TBC1D1: variants seen among roughly 807,000 people sequenced by gnomAD.
TBC1D1 encodes the protein TBC1 (tre-2/USP6, BUB2, cdc16) domain family, member 1.
TBC1D1 carries 89 observed loss-of-function variants against 125.6 expected under a neutral mutation model. The ratio of observed to expected loss-of-function variants is 0.71; its 90% confidence interval spans 0.60 to 0.85. The LOEUF (loss-of-function observed/expected upper bound fraction) is 0.85. Among genes scored for constraint, TBC1D1 ranks in the 40% least tolerant of loss-of-function variants. The pLI is 0.00. For synonymous variants in TBC1D1, 565 were observed against 564.1 expected, an observed-to-expected ratio of 1.00 and a Z score of -0.02; for missense variants, 1,377 against 1,469.2, an observed-to-expected ratio of 0.94 and a Z score of 1.03.
At chr4:38,136,631 T>G (rs895981987) in intron 19 of TBC1D1, among the ~76,000 whole-genome samples, 1 of 152,186 alleles carries the variant, frequency 6.6e-6, no homozygotes, top group African/African-American at 2.4e-5. Flanking sequence ...AGGAGGAAAC[T>G]GTTTTGAGTT....
chr4:38,045,969 TCTACATAC>T, intron 10 of TBC1D1, 66 bp downstream of exon 10: 1 of 1,342,416 alleles, frequency 7.4e-7, no homozygotes, highest in Non-Finnish European at 1.1e-6. Context: ...TCATCTCCTG[TCTACATAC>T]CTCCAATCAT....
chr4:37,986,440 CTTTA>C (rs1451255805), intron 2 of TBC1D1, among the ~76,000 whole-genome samples: 1 of 151,992 alleles, frequency 6.6e-6, no homozygotes, highest in Admixed American at 6.6e-5. Context: ...TTTCAGAATA[CTTTA>C]TTTATTTATT....
Position 38,137,743 on chromosome 4 carries a change from G to C in TBC1D1, c.*408G>C, listed in dbSNP as rs559798170. On this transcript the variant is annotated 3_prime_UTR_variant, in exon 20 of 20. Coordinates refer to ENST00000261439, the MANE Select transcript of TBC1D1 (RefSeq NM_015173.4). ...AAAGGCGTGGGTCCATCGTTCTTCC[G>C]AGAGGGTTTGTGTGGCGACTACACC... The C allele has an allele frequency of 1.8e-5, 3 of 162,174 alleles. No individual in the cohort carries two copies. The highest frequency in any genetic ancestry group is 2.0e-4 in the South Asian group (1 of 4,906). The allele number at this position is 162,174 out of a possible 1,614,324, so 10.0% of individuals were successfully genotyped here.
chr4:38,135,593 A>C (rs976159548), intron 19 of TBC1D1, among the ~76,000 whole-genome samples: 15 of 152,196 alleles, frequency 9.9e-5, no homozygotes, highest in African/African-American at 3.6e-4. Flanking sequence ...GGGGCTTCAA[A>C]GTGATGAGGG....
At chr4:37,932,955 G>T (rs935032520) in intron 2 of TBC1D1, among the ~76,000 whole-genome samples, 1 of 151,886 alleles carries the variant, frequency 6.6e-6, no homozygotes, top group South Asian at 2.1e-4. Context: ...TACTTGGGAG[G>T]TTGAGGCATG....
chr4:37,897,005 G>A (rs768270318), intron 1 of TBC1D1, among the ~76,000 whole-genome samples: 2 of 152,064 alleles, frequency 1.3e-5, no homozygotes, highest in South Asian at 4.2e-4. Context: ...GGGATAGGGC[G>A]TGTACACAGA....
At chr4:38,057,432 G>A (rs1751933974) in intron 12 of TBC1D1, among the ~76,000 whole-genome samples, 1 of 152,186 alleles carries the variant, frequency 6.6e-6, no homozygotes, top group Admixed American at 6.5e-5. Flanking sequence ...GCTCCTGCAG[G>A]CTTGATGGCT....
chr4:38,137,077 G>T, intron 19 of TBC1D1, 58 bp from the exon 22 acceptor site: 1 of 1,608,884 alleles, frequency 6.2e-7, no homozygotes, highest in Non-Finnish European at 8.5e-7. Context: ...TGTGGGCACT[G>T]GATCCCACCT....
Position 38,008,247 on chromosome 4 carries a change from C to T in TBC1D1, c.418-6262C>T, listed in dbSNP as rs371617239. 1.1e-4 allele frequency among the ~76,000 whole-genome samples: 16 copies of T among 152,316 alleles called. No homozygotes were observed. In the East Asian group the frequency reaches 2.9e-3, roughly 28 times the overall value. On this transcript the variant is annotated intron_variant, in intron 2 of 19. Coordinates refer to ENST00000261439, the MANE Select transcript of TBC1D1 (RefSeq NM_015173.4). ...AAAACCTACGAAATAATTTCGTATCCTTACAGTGCAATCTTCCTTTTTCTT... is the reference window on the plus strand; with the variant it reads ...AAAACCTACGAAATAATTTCGTATCTTTACAGTGCAATCTTCCTTTTTCTT...
At chr4:38,080,648 C>T (rs1394209059) in intron 12 of TBC1D1, among the ~76,000 whole-genome samples, 4 of 152,164 alleles carry the variant, frequency 2.6e-5, no homozygotes, top group Non-Finnish European at 5.9e-5. Context: ...CTGGACCTTT[C>T]CCCTTTCCCC....
chr4:37,897,087 T>C (rs1001252833), intron 1 of TBC1D1, among the ~76,000 whole-genome samples: 2 of 152,136 alleles, frequency 1.3e-5, no homozygotes, highest in African/African-American at 4.8e-5. Context: ...GTATGAAACA[T>C]AAGAGTTCTC....
At chr4:37,905,635 C>G (rs929126294) in intron 2 of TBC1D1, among the ~76,000 whole-genome samples, 2 of 152,230 alleles carry the variant, frequency 1.3e-5, no homozygotes, top group African/African-American at 4.8e-5. Flanking sequence ...TCTCAAAACA[C>G]TCTCATGATA....
Position 38,049,914 on chromosome 4 carries a change from A to G in TBC1D1, c.1910+16A>G. 1 of 1,600,432 alleles carries G rather than the reference A, an allele frequency of 6.2e-7. No homozygotes were observed. The highest frequency in any genetic ancestry group is 8.5e-7 in the Non-Finnish European group (1 of 1,172,068). ...ATGAACGAAAGTAAGATTTGTTTAAATTTGTTGCATAAATAGCTGGGGCAT... is the reference window on the plus strand; with the variant it reads ...ATGAACGAAAGTAAGATTTGTTTAAGTTTGTTGCATAAATAGCTGGGGCAT... On this transcript the variant is annotated intron_variant, in intron 11 of 19. Transcript: ENST00000261439.
chr4:38,117,374 A>G (rs1480369193), intron 16 of TBC1D1, among the ~76,000 whole-genome samples: 2 of 152,114 alleles, frequency 1.3e-5, no homozygotes, highest in Non-Finnish European at 1.5e-5. Context: ...TGGCACTACT[A>G]GGAACTGGCA....
chr4:37,960,700 C>T (rs1257077908), intron 2 of TBC1D1: 2 of 1,614,108 alleles, frequency 1.2e-6, no homozygotes, highest in African/African-American at 2.7e-5. Context: ...CCAAGCTTTT[C>T]TGCCAAAAAG....
At chr4:37,929,637 A>C (rs183232039) in intron 2 of TBC1D1, among the ~76,000 whole-genome samples, 1 of 152,316 alleles carries the variant, frequency 6.6e-6, no homozygotes, top group Non-Finnish European at 1.5e-5. Context: ...AAGTTTTCCT[A>C]GTGTGCAGGA....
intron 12 of TBC1D1, among the ~76,000 whole-genome samples, chr4:38,063,302 A>G (rs1309789019): frequency 6.6e-6 from 1 of 152,026 alleles, no homozygotes; most frequent in Admixed American, 6.5e-5. Context: ...GCAGGTGTGG[A>G]CCCTGAACTT....
chr4:37,972,631 C>T (rs751112761), intron 2 of TBC1D1, among the ~76,000 whole-genome samples: 3 of 151,076 alleles, frequency 2.0e-5, no homozygotes, highest in Non-Finnish European at 2.9e-5. Flanking sequence ...ATAGGCCAGG[C>T]GCAGTGGCTC....
intron 8 of TBC1D1, among the ~76,000 whole-genome samples, chr4:38,041,809 T>C (rs1341336128): frequency 1.3e-5 from 2 of 152,200 alleles, no homozygotes; most frequent in Non-Finnish European, 2.9e-5. Flanking sequence ...ACCAAATATT[T>C]CTGCATATGG....
Sources: gnomAD v4.1 joint callset for allele counts (sites outside exome capture counted in the v4.1 genomes callset) on GRCh38, gnomAD v4.1.1 for gene constraint, MANE v1.5 for transcripts, NCBI Gene and HGNC (gene_info 2026-07-23, HGNC 2026-07-21) for gene names.